Variants in NKAIN2 observed in about 807,000 individuals in gnomAD.
NKAIN2 encodes sodium/potassium transporting ATPase interacting 2, also known as sodium/potassium-transporting ATPase subunit beta-1-interacting protein 2.
A neutral mutation model predicts 32.6 loss-of-function variants in NKAIN2; 14 were observed. The ratio of observed to expected loss-of-function variants is 0.43; its 90% CI spans 0.28 to 0.67. NKAIN2 has a LOEUF of 0.67. Among genes scored for constraint, NKAIN2 ranks in the 30% least tolerant of loss-of-function variants. The pLI is 0.17. For synonymous variants in NKAIN2, 80 were observed against 87.2 expected (o/e 0.92, Z 0.46); for missense variants, 198 against 258.3 (o/e 0.77, Z 1.60).
At chr6:123,815,005 A>G (rs1773631433) in intron 1 of NKAIN2, among the ~76,000 whole-genome samples, 2 of 152,230 alleles carry the variant, frequency 1.3e-5, no homozygotes, top group African/African-American at 4.8e-5. Context: ...TTCATCAAGT[A>G]GGATTTATGA....
intron 1 of NKAIN2, among the ~76,000 whole-genome samples, chr6:124,278,541 G>A (rs888912356): frequency 2.0e-5 from 3 of 150,360 alleles, no homozygotes; most frequent in Non-Finnish European, 4.4e-5. Context: ...TTACTATGGT[G>A]CAACGAAAAG....
intron 4 of NKAIN2, among the ~76,000 whole-genome samples, chr6:124,668,752 A>T (rs1202718065): frequency 3.3e-5 from 5 of 152,146 alleles, no homozygotes; most frequent in Non-Finnish European, 5.9e-5. Context: ...TCTCTTCAGC[A>T]ATGTCTTTTT....
intron 3 of NKAIN2, among the ~76,000 whole-genome samples, chr6:124,422,804 G>A (rs1426190949): frequency 6.6e-6 from 1 of 152,154 alleles, no homozygotes; most frequent in Non-Finnish European, 1.5e-5. Flanking sequence ...GTCTTTTAAG[G>A]TTCAGTGAAA....
chr6:124,229,107 T>C (rs184533294), intron 1 of NKAIN2, among the ~76,000 whole-genome samples: 1 of 152,264 alleles, frequency 6.6e-6, no homozygotes, highest in African/African-American at 2.4e-5. Flanking sequence ...CCAGAATACA[T>C]CAATCTATTT....
intron 3 of NKAIN2, among the ~76,000 whole-genome samples, chr6:124,474,251 G>C (rs985830663): frequency 2.0e-5 from 3 of 151,958 alleles, no homozygotes; most frequent in Non-Finnish European, 4.4e-5. Context: ...ATCTTAAAGG[G>C]GCTTTTCCCC....
intron 4 of NKAIN2, among the ~76,000 whole-genome samples, chr6:124,779,135 GA>G (rs1486848788): frequency 6.6e-6 from 1 of 151,920 alleles, no homozygotes; most frequent in Non-Finnish European, 1.5e-5. Context: ...AGATACTTGG[GA>G]GGTTTTGAGA....
In NKAIN2 at chr6:124,808,626, A is replaced by C. The variant is rs150335042; in HGVS notation, c.536-9761A>C. On this transcript the variant is annotated intron_variant, in intron 5 of 6. Transcript: ENST00000368417. ...CCTATTCAACATAGTGTTGGAAGTT[A>C]TGGCCAGGGCAATTAGACAGGAGAA... 5.0e-3 allele frequency among the ~76,000 whole-genome samples: 759 copies of C among 152,280 alleles called. 5 individuals are homozygous for C. The highest frequency in any genetic ancestry group is 0.017 in the African/African-American group (688 of 41,566).
chr6:124,459,117 AT>A (rs896128753), intron 3 of NKAIN2, among the ~76,000 whole-genome samples: 1 of 151,806 alleles, frequency 6.6e-6, no homozygotes, highest in African/African-American at 2.4e-5. Context: ...ATTTTAGAAA[AT>A]TTGTTCTAAA....
rs1289364545 is a variant in NKAIN2, at chr6:123,990,287, T to C, written c.54+186033T>C. On this transcript the variant is annotated intron_variant, in intron 1 of 6. Transcript: ENST00000368417. Reference sequence around the variant, plus strand: ...TTTTGGGTGGGGACCCAGCAAAACGTGTAGTTTGTGCTAGTATTTTAATTA... The same window carrying C: ...TTTTGGGTGGGGACCCAGCAAAACGCGTAGTTTGTGCTAGTATTTTAATTA... 3.9e-5 allele frequency among the ~76,000 whole-genome samples: 6 copies of C among 152,150 alleles called. No homozygotes were observed. The East Asian group carries it at 1.2e-3, about 29-fold the overall frequency.
chr6:124,597,002 T>C (rs1014287700), intron 3 of NKAIN2, among the ~76,000 whole-genome samples: 2 of 152,146 alleles, frequency 1.3e-5, no homozygotes, highest in African/African-American at 4.8e-5. Context: ...AAGTGAATTC[T>C]CCCTTTCTCA....
chr6:124,030,617 C>T (rs1781363676), intron 1 of NKAIN2, among the ~76,000 whole-genome samples: 1 of 152,198 alleles, frequency 6.6e-6, no homozygotes, highest in Admixed American at 6.5e-5. Context: ...TACTTAGACT[C>T]TGTTATCACT....
At chr6:124,349,760 A>G (rs1798623947) in intron 2 of NKAIN2, among the ~76,000 whole-genome samples, 1 of 152,204 alleles carries the variant, frequency 6.6e-6, no homozygotes, top group Admixed American at 6.5e-5. Context: ...TTGGCCTTTC[A>G]TGATTAACAG....
intron 1 of NKAIN2, among the ~76,000 whole-genome samples, chr6:124,074,129 G>A (rs1409863519): frequency 1.3e-5 from 2 of 152,122 alleles, no homozygotes; most frequent in Non-Finnish European, 2.9e-5. Context: ...TCTCCCAGTG[G>A]AGTCACACAG....
intron 2 of NKAIN2, among the ~76,000 whole-genome samples, chr6:124,327,699 AT>A (rs970024078): frequency 3.9e-5 from 6 of 152,224 alleles, no homozygotes; most frequent in African/African-American, 9.6e-5. Flanking sequence ...GATAGCCATT[AT>A]TTTTTTAAAT....
chr6:124,328,248 C>A (rs1797499426), intron 2 of NKAIN2, among the ~76,000 whole-genome samples: 1 of 152,076 alleles, frequency 6.6e-6, no homozygotes, highest in Non-Finnish European at 1.5e-5. Flanking sequence ...GAATATAAAC[C>A]TTTAAAACCT....
intron 2 of NKAIN2, among the ~76,000 whole-genome samples, chr6:124,328,046 G>T (rs970100144): frequency 4.6e-5 from 7 of 152,108 alleles, no homozygotes; most frequent in African/African-American, 1.7e-4. Flanking sequence ...CTTTATAGTT[G>T]TAAGTGTACA....
At chr6:124,551,562 A>T (rs1780286859) in intron 3 of NKAIN2, among the ~76,000 whole-genome samples, 1 of 152,110 alleles carries the variant, frequency 6.6e-6, no homozygotes, top group Admixed American at 6.5e-5. Context: ...TTTCTTAAGC[A>T]GTTAAGCAAG....
At chr6:124,487,374 G>A (rs987755559) in intron 3 of NKAIN2, among the ~76,000 whole-genome samples, 27 of 152,030 alleles carry the variant, frequency 1.8e-4, no homozygotes, top group Admixed American at 3.9e-4. Context: ...AGTAAAAGTC[G>A]CTTTATAGAA....
chr6:124,435,362 T>TA (rs1369913496), intron 3 of NKAIN2, among the ~76,000 whole-genome samples: 3 of 152,078 alleles, frequency 2.0e-5, no homozygotes, highest in Admixed American at 6.6e-5. Flanking sequence ...TAAGTTTCCA[T>TA]AAAAAACAAG....
Sources: gnomAD v4.1 joint callset for allele counts (sites outside exome capture counted in the v4.1 genomes callset) on GRCh38, gnomAD v4.1.1 for gene constraint, MANE v1.5 for transcripts, NCBI Gene and HGNC (gene_info 2026-07-23, HGNC 2026-07-21) for gene names.